SNTG1: variants seen among roughly 807,000 people sequenced by gnomAD.
SNTG1 encodes the protein gamma-1-syntrophin.
SNTG1 carries 39 observed loss-of-function variants against 74.7 expected under a neutral mutation model. The ratio of observed to expected loss-of-function variants is 0.52; its 90% CI spans 0.40 to 0.68. The LOEUF is 0.68. Ranked by LOEUF, SNTG1 falls within the 30% of genes least tolerant of loss-of-function variation. The pLI, the probability that SNTG1 is intolerant of heterozygous loss-of-function variation, is 0.00. For synonymous variants in SNTG1, 254 were observed against 217.1 expected (o/e 1.17, Z -1.49); for missense variants, 685 against 609.5 (o/e 1.12, Z -1.30).
intron 2 of SNTG1, among the ~76,000 whole-genome samples, chr8:50,195,589 G>A (rs1433185075): frequency 6.6e-6 from 1 of 152,288 alleles, no homozygotes; most frequent in Non-Finnish European, 1.5e-5. Context: ...TGGCCTGCTA[G>A]GGGATGCGGC....
In SNTG1 at chr8:50,553,156, A is replaced by G. The variant is rs1268515287; in HGVS notation, c.787A>G (p.Ile263Val). ...CTGGCTACAAGCAATAGCAACTAACATTTCAAATCTCACAAAGCACAATGT... is the reference window on the plus strand; with the variant it reads ...CTGGCTACAAGCAATAGCAACTAACGTTTCAAATCTCACAAAGCACAATGT... ...VDWLQAIATN[I>V]SNLTKHNIKK... is the part of the protein sequence containing the mutation. Residue 263 changes from isoleucine to valine, a missense_variant, in exon 12 of 19, where the codon ATT becomes GTT. Physicochemically the swap from Ile to Val is conservative, Grantham distance 29 (BLOSUM62 3). Coordinates refer to ENST00000642720, the MANE Select transcript of SNTG1 (RefSeq NM_018967.5). The G allele has an allele frequency of 6.2e-7, 1 of 1,613,894 alleles. No individual in the cohort carries two copies. Among genetic ancestry groups the G allele is most frequent in the Non-Finnish European group, 8.5e-7 (1 of 1,179,852 alleles).
At chr8:50,782,717 T>A (rs1345421340) in intron 18 of SNTG1, among the ~76,000 whole-genome samples, 1 of 152,190 alleles carries the variant, frequency 6.6e-6, no homozygotes, top group African/African-American at 2.4e-5. Flanking sequence ...TCAAAGTCAT[T>A]CTCCATCCAG....
Position 50,253,196 on chromosome 8 carries a change from G to A in SNTG1, c.-28+80561G>A, listed in dbSNP as rs558315303. ...TCCAGCACTTTGGGAGGCTGAGGTG[G>A]GTGGATCACCTGAGGCCAGGAGTTC... On this transcript the variant is annotated intron_variant, in intron 2 of 18. Transcript: ENST00000642720. 6.8e-4 allele frequency among the ~76,000 whole-genome samples: 104 copies of A among 152,196 alleles called. 1 individual carries two copies. Among genetic ancestry groups the A allele is most frequent in the African/African-American group, 2.3e-3 (95 of 41,524 alleles).
At chr8:50,772,675 G>T (rs2095630077) in intron 18 of SNTG1, among the ~76,000 whole-genome samples, 1 of 152,064 alleles carries the variant, frequency 6.6e-6, no homozygotes, top group African/African-American at 2.4e-5. Context: ...TTTGAATATG[G>T]TTTGTTCCTC....
rs762962841 is a variant in SNTG1 at position 50,656,906 on chromosome 8, C to A, written c.850-3C>A. On this transcript the variant is annotated splice_polypyrimidine_tract_variant and splice_region_variant and intron_variant, in intron 13 of 18. Transcript: ENST00000642720. ...CAGTTGATTGTATTCCATTTTCTTG[C>A]AGATTGTCTACATGGGCTGGTGTGA... The A allele has an allele frequency of 2.5e-6, 4 of 1,596,002 alleles. No homozygotes were observed. The Admixed American group carries it at 5.1e-5, about 20-fold the overall frequency.
chr8:49,956,506 G>A (rs969657107), intron 1 of SNTG1, among the ~76,000 whole-genome samples: 3 of 152,190 alleles, frequency 2.0e-5, no homozygotes, highest in African/African-American at 7.2e-5. Context: ...CAGCCAGGCA[G>A]TTCATAGCGT....
At chr8:50,689,478 A>C (rs2095367899) in intron 15 of SNTG1, among the ~76,000 whole-genome samples, 1 of 152,128 alleles carries the variant, frequency 6.6e-6, no homozygotes, top group Non-Finnish European at 1.5e-5. Context: ...ATTTTGTCAA[A>C]GGCCTTTTCT....
chr8:50,276,937 C>T (rs941175530), intron 2 of SNTG1, among the ~76,000 whole-genome samples: 1 of 152,014 alleles, frequency 6.6e-6, no homozygotes, highest in African/African-American at 2.4e-5. Context: ...TCCCACCATT[C>T]TCCTGCCTCA....
intron 1 of SNTG1, among the ~76,000 whole-genome samples, chr8:49,949,112 G>C (rs1481854378): frequency 6.6e-6 from 1 of 152,116 alleles, no homozygotes; most frequent in Non-Finnish European, 1.5e-5. Flanking sequence ...AGTCATATTC[G>C]TTCTGTCCAG....
At chr8:50,659,325 C>T (rs1230598212) in intron 15 of SNTG1, among the ~76,000 whole-genome samples, 1 of 152,092 alleles carries the variant, frequency 6.6e-6, no homozygotes, top group South Asian at 2.1e-4. Flanking sequence ...TATATATTCA[C>T]TTTCTACTTT....
chr8:49,918,892 T>C (rs1806280502), intron 1 of SNTG1, among the ~76,000 whole-genome samples: 1 of 152,130 alleles, frequency 6.6e-6, no homozygotes, highest in Non-Finnish European at 1.5e-5. Flanking sequence ...TTAATCCAAA[T>C]AAGCAACTAA....
intron 13 of SNTG1, among the ~76,000 whole-genome samples, chr8:50,618,335 T>C (rs1284155836): frequency 6.6e-6 from 1 of 152,256 alleles, no homozygotes; most frequent in Non-Finnish European, 1.5e-5. Flanking sequence ...TATTTCATAC[T>C]GAAAGTATTT....
intron 1 of SNTG1, among the ~76,000 whole-genome samples, chr8:49,973,280 G>T (rs201581406): frequency 6.6e-5 from 10 of 151,240 alleles, no homozygotes; most frequent in African/African-American, 7.3e-5. Context: ...ACCAAACACC[G>T]CATGTTCTCA....
intron 12 of SNTG1, among the ~76,000 whole-genome samples, chr8:50,579,217 C>A (rs982934985): frequency 1.3e-5 from 2 of 152,128 alleles, no homozygotes; most frequent in African/African-American, 4.8e-5. Context: ...TCTTGCTATT[C>A]AATGAGACTG....
chr8:50,635,116 A>C (rs544730218), intron 13 of SNTG1, among the ~76,000 whole-genome samples: 1 of 152,194 alleles, frequency 6.6e-6, no homozygotes, highest in South Asian at 2.1e-4. Flanking sequence ...GTTTAATCTA[A>C]ATCTTATCAT....
chr8:50,204,223 C>A (rs2084105482), intron 2 of SNTG1, among the ~76,000 whole-genome samples: 1 of 152,104 alleles, frequency 6.6e-6, no homozygotes, highest in Admixed American at 6.6e-5. Flanking sequence ...AAGTGAAGAA[C>A]TTTTCATTAT....
chr8:50,258,722 G>A (rs1028156252), intron 2 of SNTG1, among the ~76,000 whole-genome samples: 1 of 152,056 alleles, frequency 6.6e-6, no homozygotes, highest in African/African-American at 2.4e-5. Context: ...CAAGGATAGA[G>A]ATTATATCAT....
chr8:50,417,041 T>C (rs2131429540), intron 4 of SNTG1, among the ~76,000 whole-genome samples: 1 of 152,270 alleles, frequency 6.6e-6, no homozygotes, highest in Non-Finnish European at 1.5e-5. Context: ...AAAAAGTGTT[T>C]TAAAGAAGAA....
intron 17 of SNTG1, among the ~76,000 whole-genome samples, chr8:50,734,434 A>C (rs1176483004): frequency 5.3e-5 from 8 of 151,530 alleles, no homozygotes; most frequent in Admixed American, 5.3e-4. Context: ...TTCTATATTA[A>C]TTTATTCTGC....
Sources: gnomAD v4.1 joint callset for allele counts (sites outside exome capture counted in the v4.1 genomes callset) on GRCh38, gnomAD v4.1.1 for gene constraint, MANE v1.5 for transcripts, NCBI Gene and HGNC (gene_info 2026-07-23, HGNC 2026-07-21) for gene names.